Variants in REDIC1 observed in about 807,000 individuals in gnomAD.
The protein encoded by REDIC1 is regulator of DNA class I crossover intermediates 1.
the REDIC1 span, among the ~76,000 whole-genome samples, chr12:39,629,143 G>C: frequency 6.6e-6 from 1 of 152,154 alleles, no homozygotes; most frequent in African/African-American, 2.4e-5. Flanking sequence ...ATCGAACACT[G>C]GTTCTTAAAA....
the REDIC1 span, among the ~76,000 whole-genome samples, chr12:39,900,013 C>G: frequency 7.2e-5 from 11 of 152,192 alleles, no homozygotes; most frequent in African/African-American, 2.4e-4. Context: ...GGCTTCATCC[C>G]TGGGATGCAA....
chr12:39,683,729 G>A, the REDIC1 span, among the ~76,000 whole-genome samples: 1 of 151,494 alleles, frequency 6.6e-6, no homozygotes. Flanking sequence ...TAGATTTGAG[G>A]AAATTGATTT....
At chr12:39,648,042 T>C in the REDIC1 span, 1 of 1,102,808 alleles carries the variant, frequency 9.1e-7, no homozygotes, top group African/African-American at 1.7e-5. Flanking sequence ...TCTTTTTTTC[T>C]TTTTATAGAT....
chr12:39,907,497 C>G, the REDIC1 span: 4 of 152,162 alleles, frequency 2.6e-5, no homozygotes, highest in African/African-American at 9.7e-5. Context: ...CTACAAAACT[C>G]TATCAAAACC....
At chr12:39,901,920 T>C in the REDIC1 span, among the ~76,000 whole-genome samples, 2 of 151,904 alleles carry the variant, frequency 1.3e-5, no homozygotes, top group African/African-American at 2.4e-5. Context: ...TTATTCCCAA[T>C]AGCAAAGACT....
At chr12:39,852,345 T>C in the REDIC1 span, among the ~76,000 whole-genome samples, 1 of 152,230 alleles carries the variant, frequency 6.6e-6, no homozygotes, top group Non-Finnish European at 1.5e-5. Context: ...CTGTAATCAG[T>C]TGTAAGACTA....
At chr12:39,636,848 C>T in the REDIC1 span, among the ~76,000 whole-genome samples, 2 of 152,164 alleles carry the variant, frequency 1.3e-5, no homozygotes. Flanking sequence ...ATATCTCTTG[C>T]ATACTCCATG....
the REDIC1 span, among the ~76,000 whole-genome samples, chr12:39,664,096 T>C: frequency 9.5e-4 from 144 of 152,150 alleles, no homozygotes; most frequent in Non-Finnish European, 1.7e-3. Context: ...TTTTTAAACT[T>C]TAAGTTTTAG....
At chr12:39,712,379 CCT>C in the REDIC1 span, among the ~76,000 whole-genome samples, 1 of 123,632 alleles carries the variant, frequency 8.1e-6, no homozygotes, top group Non-Finnish European at 1.7e-5. Context: ...TGTATATATA[CCT>C]ATATATATAC....
the REDIC1 span, among the ~76,000 whole-genome samples, chr12:39,869,758 A>G: frequency 1.3e-5 from 2 of 152,228 alleles, no homozygotes; most frequent in Non-Finnish European, 2.9e-5. Context: ...GAGTTCAGGA[A>G]GATTCCTAGA....
chr12:39,826,203 T>C, the REDIC1 span, among the ~76,000 whole-genome samples: 1 of 152,064 alleles, frequency 6.6e-6, no homozygotes, highest in Admixed American at 6.6e-5. Context: ...CTTTAGGTTC[T>C]GTTTGACTCT....
chr12:39,823,731 G>A, the REDIC1 span, among the ~76,000 whole-genome samples: 12 of 152,252 alleles, frequency 7.9e-5, no homozygotes, highest in East Asian at 2.1e-3. Flanking sequence ...CTACAGGAAT[G>A]TGCCACCTCA....
At chr12:39,769,335 T>A in the REDIC1 span, among the ~76,000 whole-genome samples, 1 of 152,068 alleles carries the variant, frequency 6.6e-6, no homozygotes, top group South Asian at 2.1e-4. Context: ...TCAATTTCAG[T>A]TGAGAAAAAT....
the REDIC1 span, among the ~76,000 whole-genome samples, chr12:39,823,681 T>TC: frequency 6.6e-6 from 1 of 152,176 alleles, no homozygotes; most frequent in Non-Finnish European, 1.5e-5. Flanking sequence ...ACTCCTGGGC[T>TC]CAAGTGATCC....
At chr12:39,752,727 C>T in the REDIC1 span, among the ~76,000 whole-genome samples, 1 of 152,062 alleles carries the variant, frequency 6.6e-6, no homozygotes. Flanking sequence ...GAGACAACAT[C>T]GTGTGCAAGT....
chr12:39,791,154 C>G, the REDIC1 span, among the ~76,000 whole-genome samples: 1 of 151,908 alleles, frequency 6.6e-6, no homozygotes, highest in African/African-American at 2.4e-5. Flanking sequence ...CAAAAATTTT[C>G]TCCCATCAAA....
At chr12:39,868,842 A>T in the REDIC1 span, among the ~76,000 whole-genome samples, 1 of 152,208 alleles carries the variant, frequency 6.6e-6, no homozygotes, top group Admixed American at 6.5e-5. Context: ...AAGATTATTC[A>T]TGGACTACAT....
chr12:39,733,720 A>G, the REDIC1 span, among the ~76,000 whole-genome samples: 2 of 152,088 alleles, frequency 1.3e-5, no homozygotes, highest in South Asian at 2.1e-4. Context: ...AAAATTACCT[A>G]CTCAGTCCTA....
At chr12:39,819,532 T>G in the REDIC1 span, among the ~76,000 whole-genome samples, 2 of 152,164 alleles carry the variant, frequency 1.3e-5, no homozygotes, top group African/African-American at 4.8e-5. Flanking sequence ...CACTCCAAAT[T>G]TACACATTCT....
Sources: allele counts gnomAD v4.1 joint callset (sites outside exome capture counted in the v4.1 genomes callset), GRCh38; gene constraint gnomAD v4.1.1; transcripts MANE v1.5; gene names NCBI Gene and HGNC (gene_info 2026-07-23, HGNC 2026-07-21).